GPCPD1: variants seen among roughly 807,000 people sequenced by gnomAD.
GPCPD1 encodes the protein glycerophosphocholine phosphodiesterase GPCPD1.
A neutral mutation model predicts 89.2 loss-of-function variants in GPCPD1; 29 were observed. The observed-to-expected ratio is 0.33, with a 90% CI of 0.24 to 0.44. The LOEUF (loss-of-function observed/expected upper bound fraction) is 0.44, where lower values mean the gene tolerates loss of function less well. GPCPD1 is among the 20% of genes least tolerant of loss of function. The pLI is 1.00. For synonymous variants in GPCPD1, 258 were observed against 266.3 expected (o/e 0.97, Z 0.30); for missense variants, 594 against 808.9 (o/e 0.73, Z 3.22).
intron 19 of GPCPD1, among the ~76,000 whole-genome samples, chr20:5,557,133 G>A (rs533709031): frequency 6.6e-6 from 1 of 152,204 alleles, no homozygotes; most frequent in Non-Finnish European, 1.5e-5. Flanking sequence ...TGAAGGTGGT[G>A]GGGTGGCAGA....
chr20:5,562,612 A>G (rs996530386), intron 15 of GPCPD1, among the ~76,000 whole-genome samples: 1 of 152,196 alleles, frequency 6.6e-6, no homozygotes, highest in Admixed American at 6.5e-5. Flanking sequence ...AATTTTAGGT[A>G]TCAAAGAACA....
intron 3 of GPCPD1, among the ~76,000 whole-genome samples, chr20:5,595,700 A>G (rs541983080): frequency 1.8e-4 from 27 of 151,688 alleles, no homozygotes; most frequent in African/African-American, 6.3e-4. Context: ...CATGTTCCCT[A>G]TTTTTCCCCA....
intron 1 of GPCPD1, among the ~76,000 whole-genome samples, chr20:5,604,682 G>A (rs1341833850): frequency 7.1e-6 from 1 of 141,704 alleles, no homozygotes; most frequent in Non-Finnish European, 1.5e-5. Context: ...CCTCATGCCT[G>A]TAATACAAAC....
chr20:5,572,436 A>C (rs1157412898), intron 11 of GPCPD1, among the ~76,000 whole-genome samples: 1 of 152,230 alleles, frequency 6.6e-6, no homozygotes, highest in Non-Finnish European at 1.5e-5. Context: ...TAAGCTGTCA[A>C]TTAAATTATG....
At position 5,547,373 on chromosome 20, in the gene GPCPD1, C is replaced by T. The variant is rs570650705; in HGVS notation, c.*288G>A. Reference sequence around the variant, plus strand: ...ATATAGTTAATTTCAAAGTGCTATGCTTTTAATGAACATATGTTTAACATT... The same window carrying T: ...ATATAGTTAATTTCAAAGTGCTATGTTTTTAATGAACATATGTTTAACATT... On this transcript the variant is annotated 3_prime_UTR_variant, in exon 20 of 20. Coordinates refer to ENST00000379019, the MANE Select transcript of GPCPD1 (RefSeq NM_019593.5). 5.7e-6 allele frequency: 1 copy of T among 173,966 alleles called. No individual in the cohort carries two copies. The highest frequency in any genetic ancestry group is 2.4e-5 in the African/African-American group (1 of 42,336). The allele number at this position is 173,966 out of a possible 1,614,324, so 10.8% of individuals were successfully genotyped here.
At chr20:5,583,479 C>T (rs1403191475) in intron 6 of GPCPD1, among the ~76,000 whole-genome samples, 2 of 152,042 alleles carry the variant, frequency 1.3e-5, no homozygotes, top group Non-Finnish European at 1.5e-5. Flanking sequence ...ACCTCAGGGT[C>T]GGAGGCTGCA....
chr20:5,553,570 A>G (rs151094999), intron 19 of GPCPD1, among the ~76,000 whole-genome samples: 1 of 152,342 alleles, frequency 6.6e-6, no homozygotes, highest in African/African-American at 2.4e-5. Context: ...CAAACTGTTA[A>G]CCAAGTTATG....
intron 8 of GPCPD1, among the ~76,000 whole-genome samples, chr20:5,577,050 GTTGTTTTTTTTT>G (rs1418319727): frequency 1.4e-5 from 2 of 138,332 alleles, no homozygotes; most frequent in African/African-American, 5.4e-5. Flanking sequence ...CAAAAAAAAA[GTTGTTTTTTTTT>G]TTGTTTTTTT....
chr20:5,596,406 A>G (rs1465360399), intron 3 of GPCPD1, among the ~76,000 whole-genome samples: 1 of 152,056 alleles, frequency 6.6e-6, no homozygotes, highest in Non-Finnish European at 1.5e-5. Flanking sequence ...ATTTTAAAAA[A>G]AGAATCAGAA....
At chr20:5,549,605 T>G in intron 19 of GPCPD1, 2 of 550,332 alleles carry the variant, frequency 3.6e-6, no homozygotes, top group East Asian at 4.9e-5. Context: ...TAAATTTAAT[T>G]TCCATCCAAA....
chr20:5,596,954 A>ACAT (rs1338979053), intron 3 of GPCPD1, among the ~76,000 whole-genome samples: 2 of 152,152 alleles, frequency 1.3e-5, no homozygotes, highest in Admixed American at 6.5e-5. Flanking sequence ...TATCCTGTTC[A>ACAT]CATCTTTTTG....
chr20:5,550,774 TAAG>T (rs1310144794), intron 19 of GPCPD1, among the ~76,000 whole-genome samples: 2 of 152,206 alleles, frequency 1.3e-5, no homozygotes, highest in Non-Finnish European at 1.5e-5. Flanking sequence ...CCACCTTTCT[TAAG>T]AAGATGCTGA....
Position 5,570,168 on chromosome 20 carries a change from GGTAAGATCATGATATACCACGGGC to G in GPCPD1, c.1104_1127del (p.Pro369_Thr376del). The G allele has an allele frequency of 6.4e-7, 1 of 1,555,674 alleles. No homozygotes were observed. Among genetic ancestry groups the G allele is most frequent in the Non-Finnish European group, 8.9e-7 (1 of 1,129,276 alleles). The stretch of plus-strand genomic sequence containing the variant: ...GTACCTTTTTCATAGTCAAACAACA[GGTAAGATCATGATATACCACGGGC>G]ACAAAGTCCTTTGAAAGGTGTACGT... On this transcript the variant is annotated inframe_deletion, in exon 12 of 20. Coordinates refer to ENST00000379019, the MANE Select transcript of GPCPD1 (RefSeq NM_019593.5).
chr20:5,602,986 T>TA (rs57455474), intron 2 of GPCPD1, among the ~76,000 whole-genome samples: 10,265 of 121,242 alleles, frequency 0.085, 630 homozygotes, highest in African/African-American at 0.18. Flanking sequence ...CCATCTCAAT[T>TA]AAAAAAAAAA....
chr20:5,547,153 C>T lies in GPCPD1; in HGVS notation c.*508G>A, dbSNP rs1347325592. ...AATGAAAATGGTGTTGTGTGCATGT[C>T]AACCCATGTAAAAAATACCTATATA... On this transcript the variant is annotated 3_prime_UTR_variant, in exon 20 of 20. Transcript: ENST00000379019. 2 of 152,570 alleles carry T rather than the reference C, an allele frequency of 1.3e-5. No individual in the cohort carries two copies. Among genetic ancestry groups the T allele is most frequent in the Non-Finnish European group, 2.9e-5 (2 of 68,028 alleles). The allele number at this position is 152,570 out of a possible 1,614,324, so 9.5% of individuals were successfully genotyped here.
intron 19 of GPCPD1, among the ~76,000 whole-genome samples, chr20:5,556,237 T>C (rs1985761026): frequency 6.6e-6 from 1 of 152,160 alleles, no homozygotes; most frequent in Non-Finnish European, 1.5e-5. Context: ...AGACAGAGTC[T>C]CACTCTGTCA....
chr20:5,584,228 A>G, intron 6 of GPCPD1, 53 bp downstream of exon 6: 1 of 837,346 alleles, frequency 1.2e-6, no homozygotes, highest in Non-Finnish European at 2.0e-6. Flanking sequence ...TGAAATGTAA[A>G]GTAACAATCT....
chr20:5,560,374 C>A (rs951527059), intron 16 of GPCPD1, among the ~76,000 whole-genome samples: 1 of 152,164 alleles, frequency 6.6e-6, no homozygotes, highest in Non-Finnish European at 1.5e-5. Context: ...AGCTAAAACT[C>A]TAGAATTTTG....
intron 7 of GPCPD1, among the ~76,000 whole-genome samples, chr20:5,579,324 T>C (rs1395142437): frequency 6.6e-6 from 1 of 152,210 alleles, no homozygotes; most frequent in Non-Finnish European, 1.5e-5. Flanking sequence ...CTTTATGGCA[T>C]TCTTATGTAG....
Sources: gnomAD v4.1 joint callset for allele counts (sites outside exome capture counted in the v4.1 genomes callset) on GRCh38, gnomAD v4.1.1 for gene constraint, MANE v1.5 for transcripts, NCBI Gene and HGNC (gene_info 2026-07-23, HGNC 2026-07-21) for gene names.